ARNT: variants seen among roughly 807,000 people sequenced by gnomAD.
The protein encoded by ARNT is aryl hydrocarbon receptor nuclear translocator.
ARNT carries 30 observed loss-of-function variants against 105.0 expected under a neutral mutation model. The ratio of observed to expected loss-of-function variants is 0.29; its 90% CI spans 0.21 to 0.39. The LOEUF is 0.39. Among genes scored for constraint, ARNT ranks in the 10% least tolerant of loss-of-function variants. The pLI is 1.00. For synonymous variants in ARNT, 304 were observed against 344.0 expected (o/e 0.88, Z 1.29); for missense variants, 748 against 978.7 (o/e 0.76, Z 3.15).
intron 1 of ARNT, among the ~76,000 whole-genome samples, chr1:150,868,177 G>A (rs587699355): frequency 2.6e-4 from 40 of 152,010 alleles, no homozygotes; most frequent in African/African-American, 8.9e-4. Flanking sequence ...GCCCCAAGCC[G>A]GGCACTGTGG....
chr1:150,816,959 A>G (rs368901139), intron 17 of ARNT, 69 bp from the exon 18 acceptor site: 1 of 1,599,854 alleles, frequency 6.3e-7, no homozygotes, highest in East Asian at 2.2e-5. Context: ...GCAAGTTCCT[A>G]TTTACTCAGG....
At chr1:150,871,907 CAAAAA>C (rs776523588) in intron 1 of ARNT, among the ~76,000 whole-genome samples, 856 of 40,060 alleles carry the variant, frequency 0.021, 10 homozygotes, top group South Asian at 0.054. Flanking sequence ...GACCCTGTCT[CAAAAA>C]AAAAAAAAAA....
chr1:150,811,501 T>G lies in ARNT; in HGVS notation c.*520A>C. ...ACATACACACACACTCTCTCTCACT[T>G]ACTCACATGTTTCTTTCCAGAGGGA... is the stretch of plus-strand genomic sequence containing the variant. On this transcript the variant is annotated 3_prime_UTR_variant, in exon 22 of 22. Transcript: ENST00000358595. 4.3e-6 allele frequency: 1 copy of G among 231,920 alleles called. No individual in the cohort carries two copies. Among genetic ancestry groups the G allele is most frequent in the Non-Finnish European group, 8.5e-6 (1 of 117,372 alleles). 14.4% of individuals were successfully genotyped at this position (231,920 alleles called of 1,614,324 possible).
chr1:150,864,422 C>T lies in ARNT; in HGVS notation c.26-5962G>A, dbSNP rs587765518. Among the ~76,000 whole-genome samples, 41 of 152,022 alleles carry T rather than the reference C, an allele frequency of 2.7e-4. No homozygotes were observed. The South Asian group carries it at 8.5e-3, about 32-fold the overall frequency. On this transcript the variant is annotated intron_variant, in intron 1 of 21. Transcript: ENST00000358595. ...TGTGGCACATATACACCATGGAATA[C>T]TATGCAGCCATAAAAAATGATGAGT...
At chr1:150,833,746 C>G (rs587739029) in intron 8 of ARNT, among the ~76,000 whole-genome samples, 2 of 151,378 alleles carry the variant, frequency 1.3e-5, no homozygotes, top group South Asian at 4.2e-4. Context: ...CACTAAACAC[C>G]TACTGAAAGA....
intron 2 of ARNT, among the ~76,000 whole-genome samples, chr1:150,854,877 A>G (rs947363717): frequency 6.7e-6 from 1 of 149,490 alleles, no homozygotes; most frequent in Non-Finnish European, 1.5e-5. Context: ...AAAAAAAAAA[A>G]GGGAAGGGGA....
intron 12 of ARNT, among the ~76,000 whole-genome samples, chr1:150,828,571 CTT>C (rs1463966760): frequency 1.3e-5 from 2 of 152,030 alleles, no homozygotes; most frequent in East Asian, 1.9e-4. Flanking sequence ...TGTAAATTCT[CTT>C]TGTTCTTTGT....
chr1:150,817,327 C>G, intron 16 of ARNT, 34 bp downstream of exon 16: 1 of 1,613,106 alleles, frequency 6.2e-7, no homozygotes. Context: ...AGTAAATACT[C>G]CCTACCCTCT....
intron 1 of ARNT, among the ~76,000 whole-genome samples, chr1:150,860,179 G>A (rs1665358986): frequency 6.8e-6 from 1 of 146,182 alleles, no homozygotes; most frequent in East Asian, 2.0e-4. Context: ...ACTACCAACA[G>A]AGTGAAAAGG....
chr1:150,862,654 T>C (rs1187428491), intron 1 of ARNT, among the ~76,000 whole-genome samples: 1 of 145,866 alleles, frequency 6.9e-6, no homozygotes, highest in Non-Finnish European at 1.5e-5. Context: ...GGCATGAGGA[T>C]TGCTTGAGCT....
chr1:150,862,251 G>T (rs1028695726), intron 1 of ARNT, among the ~76,000 whole-genome samples: 1 of 152,136 alleles, frequency 6.6e-6, no homozygotes, highest in African/African-American at 2.4e-5. Context: ...ACAGGTGCCA[G>T]TACTTCCATA....
intron 14 of ARNT, among the ~76,000 whole-genome samples, chr1:150,822,187 A>C (rs1657237570): frequency 6.6e-6 from 1 of 152,078 alleles, no homozygotes; most frequent in African/African-American, 2.4e-5. Context: ...ATTTTCTAAT[A>C]TATTTACTGA....
intron 3 of ARNT, among the ~76,000 whole-genome samples, chr1:150,847,692 T>C (rs977058364): frequency 2.6e-5 from 4 of 152,240 alleles, no homozygotes; most frequent in African/African-American, 7.2e-5. Flanking sequence ...GTTCCACTAA[T>C]AGCATGTATC....
chr1:150,860,215 A>AATTTTT (rs1221352608), intron 1 of ARNT, among the ~76,000 whole-genome samples: 5 of 65,622 alleles, frequency 7.6e-5, no homozygotes, highest in Non-Finnish European at 1.7e-4. Flanking sequence ...AAAAAAAAAA[A>AATTTTT]TTCTTTTTTT....
intron 7 of ARNT, among the ~76,000 whole-genome samples, chr1:150,835,806 G>T (rs1351018024): frequency 1.4e-5 from 2 of 140,024 alleles, no homozygotes; most frequent in East Asian, 4.2e-4. Flanking sequence ...GAGAAAAAAA[G>T]AACAACAGTA....
chr1:150,869,483 A>G (rs987272794), intron 1 of ARNT, among the ~76,000 whole-genome samples: 4 of 152,168 alleles, frequency 2.6e-5, no homozygotes, highest in Non-Finnish European at 4.4e-5. Flanking sequence ...TCTCAAAAAA[A>G]CAAAACAAAA....
At chr1:150,839,734 A>G in intron 5 of ARNT, 80 bp from the exon 6 acceptor site, 1 of 1,387,570 alleles carries the variant, frequency 7.2e-7, no homozygotes, top group South Asian at 1.2e-5. Context: ...ATGGATACCA[A>G]GTGTGCTGCT....
At chr1:150,863,780 A>ACTC (rs1666073226) in intron 1 of ARNT, among the ~76,000 whole-genome samples, 1 of 151,950 alleles carries the variant, frequency 6.6e-6, no homozygotes, top group South Asian at 2.1e-4. Flanking sequence ...GAGCCACTGA[A>ACTC]CTCCAGCCTG....
chr1:150,833,148 T>C (rs963872581), intron 8 of ARNT, among the ~76,000 whole-genome samples: 6 of 152,162 alleles, frequency 3.9e-5, no homozygotes, highest in Admixed American at 2.0e-4. Context: ...GCATCAAAGC[T>C]AGAATTCAAA....
Sources: gnomAD v4.1 joint callset for allele counts (sites outside exome capture counted in the v4.1 genomes callset) on GRCh38, gnomAD v4.1.1 for gene constraint, MANE v1.5 for transcripts, NCBI Gene and HGNC (gene_info 2026-07-23, HGNC 2026-07-21) for gene names.